The following LHPP variants were observed in gnomAD, a reference collection of about 807,000 sequenced individuals.
LHPP encodes the protein hLHPP.
LHPP carries 24 observed loss-of-function variants against 30.3 expected under a neutral mutation model. The ratio of observed to expected loss-of-function variants is 0.79; its 90% CI spans 0.57 to 1.11. LHPP has a LOEUF of 1.11. Ranked by LOEUF, LHPP falls within the 50% of genes most tolerant of loss-of-function variation. LHPP has a pLI of 0.00. For missense variants in LHPP, 356 were observed against 367.2 expected (o/e 0.97, Z 0.25); for synonymous variants, 150 against 157.1 (o/e 0.95, Z 0.34).
rs1449677499 is a variant in LHPP at position 124,515,486 on chromosome 10, CCTT to C, written c.625-1691_625-1689del. ...GTTTGGATAAACTCATCTTTCTCCT[CCTT>C]CTGCATGATACTTTCCTTCTTTGCA... On this transcript the variant is annotated intron_variant, in intron 5 of 6. Transcript: ENST00000368842. Among the ~76,000 whole-genome samples, 155 of 152,328 alleles carry C rather than the reference CCTT, an allele frequency of 1.0e-3. 1 individual carries two copies. The highest frequency in any genetic ancestry group is 3.1e-3 in the African/African-American group (130 of 41,560).
At position 124,613,487 on chromosome 10, in the gene LHPP, C is replaced by T. The variant is rs1949231262; in HGVS notation, c.*127C>T. 1 of 674,782 alleles carries T rather than the reference C, an allele frequency of 1.5e-6. No individual in the cohort carries two copies. Among genetic ancestry groups the T allele is most frequent in the Non-Finnish European group, 2.6e-6 (1 of 378,830 alleles). The allele number at this position is 674,782 out of a possible 1,614,324, so 41.8% of individuals were successfully genotyped here. On this transcript the variant is annotated 3_prime_UTR_variant, in exon 7 of 7. Coordinates refer to ENST00000368842, the MANE Select transcript of LHPP (RefSeq NM_022126.4). Reference sequence around the variant, plus strand: ...CTCCTCCACCCCTGCCTCTCCTCCACCCCTGCCTCCCCTCCACCTGCCCCA... The same window carrying T: ...CTCCTCCACCCCTGCCTCTCCTCCATCCCTGCCTCCCCTCCACCTGCCCCA...
At chr10:124,532,068 T>C (rs1954913630) in intron 6 of LHPP, among the ~76,000 whole-genome samples, 1 of 152,250 alleles carries the variant, frequency 6.6e-6, no homozygotes, top group Non-Finnish European at 1.5e-5. Context: ...GATATTCAGA[T>C]GGTCCCCGAC....
intron 6 of LHPP, among the ~76,000 whole-genome samples, chr10:124,583,856 C>A (rs1264770444): frequency 6.6e-6 from 1 of 152,192 alleles, no homozygotes. Context: ...ACCATACACA[C>A]AAAGTTTTAT....
chr10:124,470,123 G>A (rs916961457), intron 1 of LHPP, among the ~76,000 whole-genome samples: 4 of 152,166 alleles, frequency 2.6e-5, no homozygotes, highest in East Asian at 1.9e-4. Flanking sequence ...TTTCATGGGC[G>A]GATTGGGTTC....
intron 6 of LHPP, among the ~76,000 whole-genome samples, chr10:124,599,022 T>C (rs1039221867): frequency 2.8e-5 from 4 of 141,586 alleles, no homozygotes; most frequent in African/African-American, 1.0e-4. Flanking sequence ...CATCCATCCA[T>C]CCACCTGTCC....
intron 6 of LHPP, among the ~76,000 whole-genome samples, chr10:124,602,444 G>A (rs1387939303): frequency 1.3e-5 from 2 of 152,224 alleles, no homozygotes; most frequent in Non-Finnish European, 2.9e-5. Flanking sequence ...CCCGGGGCCT[G>A]CCCACTGGCT....
At chr10:124,560,085 T>C (rs1948369149) in intron 6 of LHPP, among the ~76,000 whole-genome samples, 1 of 152,260 alleles carries the variant, frequency 6.6e-6, no homozygotes, top group African/African-American at 2.4e-5. Flanking sequence ...GCTCATGGTC[T>C]AGAGGAATAA....
chr10:124,529,800 C>CAA (rs1491063358), intron 6 of LHPP, among the ~76,000 whole-genome samples: 3 of 131,526 alleles, frequency 2.3e-5, no homozygotes. Flanking sequence ...TGCACATACA[C>CAA]ACACACACAC....
At chr10:124,609,894 C>G (rs1484762361) in intron 6 of LHPP, among the ~76,000 whole-genome samples, 2 of 152,258 alleles carry the variant, frequency 1.3e-5, no homozygotes, top group Non-Finnish European at 2.9e-5. Context: ...CATCCTCCCC[C>G]TGGCGGGCAT....
chr10:124,565,227 C>A (rs1302525662), intron 6 of LHPP, among the ~76,000 whole-genome samples: 1 of 152,130 alleles, frequency 6.6e-6, no homozygotes, highest in Non-Finnish European at 1.5e-5. Context: ...AAGGGCACCT[C>A]CCCTGCTTGG....
chr10:124,578,283 C>G (rs4962387), intron 6 of LHPP, among the ~76,000 whole-genome samples: 61,527 of 152,138 alleles, frequency 0.4, 12,437 homozygotes, highest in African/African-American at 0.45. Context: ...GCTCTGTGCT[C>G]AGCACACGCC....
intron 6 of LHPP, among the ~76,000 whole-genome samples, chr10:124,528,466 CT>C (rs1422886723): frequency 6.6e-6 from 1 of 152,168 alleles, no homozygotes; most frequent in African/African-American, 2.4e-5. Flanking sequence ...TCAAGGGATT[CT>C]CCTGCCTCAG....
At chr10:124,469,779 A>G (rs922711513) in intron 1 of LHPP, among the ~76,000 whole-genome samples, 2 of 152,130 alleles carry the variant, frequency 1.3e-5, no homozygotes, top group Non-Finnish European at 2.9e-5. Flanking sequence ...TGCTGCAGTC[A>G]TGGGGGACCA....
intron 3 of LHPP, among the ~76,000 whole-genome samples, chr10:124,491,565 C>A (rs1953529383): frequency 6.6e-6 from 1 of 152,230 alleles, no homozygotes; most frequent in African/African-American, 2.4e-5. Flanking sequence ...GTTGGTGTGG[C>A]TGACCCCAGA....
intron 6 of LHPP, among the ~76,000 whole-genome samples, chr10:124,566,665 CTT>C (rs1292091858): frequency 1.3e-5 from 2 of 152,278 alleles, no homozygotes; most frequent in East Asian, 1.9e-4. Flanking sequence ...CTTTTGGGGT[CTT>C]TTGTGCAGGA....
intron 1 of LHPP, among the ~76,000 whole-genome samples, chr10:124,470,356 T>A (rs1040632530): frequency 6.6e-6 from 1 of 151,496 alleles, no homozygotes; most frequent in African/African-American, 2.4e-5. Flanking sequence ...CAGGGCAGCC[T>A]CATAAAGCAA....
intron 6 of LHPP, chr10:124,526,270 C>A (rs1056980750): frequency 4.4e-5 from 43 of 981,360 alleles, no homozygotes; most frequent in Non-Finnish European, 5.0e-5. Flanking sequence ...CGCAGGTATG[C>A]CTCATGGCGG....
At chr10:124,498,207 A>G (rs942596968) in intron 5 of LHPP, 79 bp downstream of exon 5, 3 of 1,361,652 alleles carry the variant, frequency 2.2e-6, no homozygotes, top group African/African-American at 1.4e-5. Flanking sequence ...GGATTACAGG[A>G]CTCAGGCAGC....
chr10:124,525,581 G>A (rs546953851), intron 6 of LHPP, among the ~76,000 whole-genome samples: 2 of 152,314 alleles, frequency 1.3e-5, no homozygotes, highest in African/African-American at 4.8e-5. Context: ...GAGGAGACCC[G>A]AGGCGGAGGC....
Sources: gnomAD v4.1 joint callset for allele counts (sites outside exome capture counted in the v4.1 genomes callset) on GRCh38, gnomAD v4.1.1 for gene constraint, MANE v1.5 for transcripts, NCBI Gene and HGNC (gene_info 2026-07-23, HGNC 2026-07-21) for gene names.